The following SPATA21 variants were observed in gnomAD, a reference collection of about 807,000 sequenced individuals.
SPATA21 encodes the protein spermatogenesis-associated protein 21.
Under a neutral mutation model 54.8 loss-of-function variants are expected in SPATA21, and 47 were observed. The ratio of observed to expected loss-of-function variants is 0.86; its 90% CI spans 0.68 to 1.09. The LOEUF is 1.09. Among genes scored for constraint, SPATA21 ranks in the 50% least tolerant of loss-of-function variants. The pLI is 0.00. For missense variants in SPATA21, 599 were observed against 596.4 expected (o/e 1.00, Z -0.05); for synonymous variants, 245 against 235.3 (o/e 1.04, Z -0.38).
At chr1:16,414,630 C>T (rs537911588) in intron 5 of SPATA21, among the ~76,000 whole-genome samples, 76 of 152,218 alleles carry the variant, frequency 5.0e-4, no homozygotes, top group Non-Finnish European at 1.0e-3. Context: ...CGCGGTGGCT[C>T]ACGCCTGTAA....
rs141068811 is a variant in SPATA21, at chr1:16,427,520, C to T, written c.34+3818G>A. ...CTTTACATGTTCCTGTGTCTCCTAA[C>T]CTTTTTTTGTTCATTATTCTATTAA... On this transcript the variant is annotated intron_variant, in intron 3 of 12. Transcript: ENST00000335496. 1.6e-3 allele frequency among the ~76,000 whole-genome samples: 243 copies of T among 152,162 alleles called. 1 individual carries two copies. The highest frequency in any genetic ancestry group is 5.6e-3 in the African/African-American group (231 of 41,530).
intron 1 of SPATA21, among the ~76,000 whole-genome samples, chr1:16,435,065 C>T (rs981770091): frequency 6.6e-6 from 1 of 152,072 alleles, no homozygotes; most frequent in Admixed American, 6.6e-5. Context: ...CTATGTTGTC[C>T]AGGCTGGTCT....
chr1:16,432,587 C>T (rs763447798), intron 2 of SPATA21, among the ~76,000 whole-genome samples: 5 of 152,140 alleles, frequency 3.3e-5, no homozygotes, highest in African/African-American at 4.8e-5. Context: ...TCTATCTTTC[C>T]GATAGCCCCC....
intron 11 of SPATA21, 54 bp downstream of exon 11, chr1:16,400,666 G>A: frequency 6.5e-7 from 1 of 1,544,932 alleles, no homozygotes. Flanking sequence ...GACCAGATGG[G>A]CAAGAGAGCA....
chr1:16,423,926 C>T (rs1192799600), intron 3 of SPATA21, among the ~76,000 whole-genome samples: 4 of 151,682 alleles, frequency 2.6e-5, no homozygotes, highest in Non-Finnish European at 5.9e-5. Flanking sequence ...GTGTAAAATT[C>T]CACGAAATAC....
intron 3 of SPATA21, among the ~76,000 whole-genome samples, chr1:16,430,497 A>G (rs939354836): frequency 6.6e-6 from 1 of 152,158 alleles, no homozygotes; most frequent in African/African-American, 2.4e-5. Flanking sequence ...GGTGTGATGG[A>G]AGCTTAGGAT....
At chr1:16,414,890 T>C in intron 5 of SPATA21, among the ~76,000 whole-genome samples, 1 of 8,238 alleles carries the variant, frequency 1.2e-4, no homozygotes, top group Non-Finnish European at 2.6e-4. Context: ...CGAAACCTCA[T>C]CTCAAAAAAA....
intron 7 of SPATA21, among the ~76,000 whole-genome samples, chr1:16,406,276 C>T (rs1055890382): frequency 7.2e-5 from 11 of 152,136 alleles, no homozygotes; most frequent in African/African-American, 2.4e-4. Context: ...TGAGCCGCTG[C>T]GCCCGGCCTG....
At chr1:16,401,566 G>A (rs898188866) in intron 10 of SPATA21, among the ~76,000 whole-genome samples, 1 of 152,178 alleles carries the variant, frequency 6.6e-6, no homozygotes, top group Admixed American at 6.5e-5. Context: ...AAAGTGTTGG[G>A]ATTACAGGCG....
At chr1:16,401,462 A>G (rs1389209181) in intron 10 of SPATA21, among the ~76,000 whole-genome samples, 1 of 151,914 alleles carries the variant, frequency 6.6e-6, no homozygotes, top group Non-Finnish European at 1.5e-5. Context: ...CACCCAGCTG[A>G]TTTTTTTATT....
chr1:16,402,512 C>T (rs529252528), intron 10 of SPATA21, among the ~76,000 whole-genome samples: 33 of 151,654 alleles, frequency 2.2e-4, no homozygotes, highest in African/African-American at 6.3e-4. Flanking sequence ...CCGCCCACCG[C>T]GGCCTCCCAA....
chr1:16,433,796 C>T (rs372911097), intron 1 of SPATA21, among the ~76,000 whole-genome samples: 3 of 152,180 alleles, frequency 2.0e-5, no homozygotes, highest in African/African-American at 7.2e-5. Flanking sequence ...TGACAAATAT[C>T]GACTATGTCA....
intron 3 of SPATA21, chr1:16,427,776 G>T: frequency 7.0e-7 from 1 of 1,425,928 alleles, no homozygotes; most frequent in Non-Finnish European, 9.4e-7. Context: ...CCTTGGCCTG[G>T]GAGTTCTCCA....
In SPATA21 at chr1:16,428,658, G is replaced by A. The variant is rs1336992575; in HGVS notation, c.34+2680C>T. ...CCCAAAGTGCTGGGATTACAGGCAT[G>A]AGGCACCGCACCTGGCCTGAACTGG... On this transcript the variant is annotated intron_variant, in intron 3 of 12. Transcript: ENST00000335496. The surrounding 1 kb of genome is among the most constrained non-coding windows in gnomAD (Gnocchi z 4.3). 6.6e-6 allele frequency among the ~76,000 whole-genome samples: 1 copy of A among 152,028 alleles called. No individual in the cohort carries two copies. Among genetic ancestry groups the A allele is most frequent in the Non-Finnish European group, 1.5e-5 (1 of 68,016 alleles).
chr1:16,422,068 G>C lies in SPATA21; in HGVS notation c.35-97C>G, dbSNP rs2086188791. 1.9e-6 allele frequency: 3 copies of C among 1,602,360 alleles called. No homozygotes were observed. In the African/African-American group the frequency reaches 4.0e-5, roughly 21 times the overall value. The stretch of plus-strand genomic sequence containing the variant: ...GGCGGAGCCTCCTGTGGCCTGATGT[G>C]TGGGACACCTGCCTCCTTGGGGTGC... On this transcript the variant is annotated intron_variant, in intron 3 of 12. Transcript: ENST00000335496.
At chr1:16,411,915 C>G (rs1186966528) in intron 5 of SPATA21, among the ~76,000 whole-genome samples, 1 of 152,094 alleles carries the variant, frequency 6.6e-6, no homozygotes. Context: ...CCTGACTCCC[C>G]ACTTCCATCT....
intron 8 of SPATA21, among the ~76,000 whole-genome samples, chr1:16,404,461 C>T (rs1028845323): frequency 1.8e-4 from 28 of 152,010 alleles, no homozygotes; most frequent in African/African-American, 6.8e-4. Context: ...CAGAGCAAGA[C>T]TCTGTTGCAA....
chr1:16,407,804 C>T (rs753298207), intron 7 of SPATA21, among the ~76,000 whole-genome samples: 4 of 152,136 alleles, frequency 2.6e-5, no homozygotes, highest in South Asian at 2.1e-4. Context: ...CTTGCTCTGT[C>T]GCCCAGGCTG....
intron 3 of SPATA21, chr1:16,425,622 C>T: frequency 1.3e-6 from 2 of 1,550,330 alleles, no homozygotes; most frequent in Non-Finnish European, 1.7e-6. Flanking sequence ...TGCTGCAGCC[C>T]TTCAGGTACT....
Sources: gnomAD v4.1 joint callset for allele counts (sites outside exome capture counted in the v4.1 genomes callset) on GRCh38, gnomAD v4.1.1 for gene constraint, Gnocchi (gnomAD v3.1) non-coding constraint, MANE v1.5 for transcripts, NCBI Gene and HGNC (gene_info 2026-07-23, HGNC 2026-07-21) for gene names.